PRKG1: variants seen among roughly 807,000 people sequenced by gnomAD.
PRKG1 encodes cGMP-dependent protein kinase 1.
Under a neutral mutation model 88.1 loss-of-function variants are expected in PRKG1, and 35 were observed. The observed-to-expected ratio is 0.40, with a 90% CI of 0.30 to 0.53. The LOEUF (loss-of-function observed/expected upper bound fraction) is 0.53, where lower values mean the gene tolerates loss of function less well. Among genes scored for constraint, PRKG1 ranks in the 20% least tolerant of loss-of-function variants. PRKG1 has a pLI of 0.59. For synonymous variants in PRKG1, 303 were observed against 292.5 expected, an observed-to-expected ratio of 1.04 and a Z score of -0.37; for missense variants, 540 against 839.8, an observed-to-expected ratio of 0.64 and a Z score of 4.41.
intron 6 of PRKG1, among the ~76,000 whole-genome samples, chr10:52,058,303 C>T (rs1033932033): frequency 1.3e-5 from 2 of 152,042 alleles, no homozygotes; most frequent in South Asian, 2.1e-4. Flanking sequence ...GGATATTTTA[C>T]TATAAATGAA....
chr10:52,007,487 C>T (rs1322720564), intron 5 of PRKG1, among the ~76,000 whole-genome samples: 2 of 152,060 alleles, frequency 1.3e-5, no homozygotes, highest in Non-Finnish European at 2.9e-5. Context: ...TGTAATTTCA[C>T]ACAAAATAGA....
At chr10:51,108,035 C>G (rs764076015) in intron 1 of PRKG1, among the ~76,000 whole-genome samples, 1 of 152,022 alleles carries the variant, frequency 6.6e-6, no homozygotes, top group Non-Finnish European at 1.5e-5. Flanking sequence ...AAGGCACATA[C>G]TACCAAAGCT....
intron 2 of PRKG1, among the ~76,000 whole-genome samples, chr10:51,384,742 C>T (rs1276675817): frequency 6.6e-6 from 1 of 152,086 alleles, no homozygotes; most frequent in Non-Finnish European, 1.5e-5. Flanking sequence ...ATTGCTGTTC[C>T]CACTTCCCTA....
At chr10:51,698,007 C>T (rs1308841558) in intron 3 of PRKG1, 1 of 1,613,478 alleles carries the variant, frequency 6.2e-7, no homozygotes, top group East Asian at 2.2e-5. Context: ...ATGCCTGTTC[C>T]TTGTATGCCT....
intron 2 of PRKG1, among the ~76,000 whole-genome samples, chr10:51,277,592 G>A (rs892598908): frequency 6.6e-6 from 1 of 152,196 alleles, no homozygotes; most frequent in Admixed American, 6.5e-5. Flanking sequence ...TCCTATCCAT[G>A]AGCATGGAAT....
At chr10:52,287,536 A>C (rs193124208) in intron 14 of PRKG1, among the ~76,000 whole-genome samples, 1 of 152,028 alleles carries the variant, frequency 6.6e-6, no homozygotes, top group Non-Finnish European at 1.5e-5. Flanking sequence ...AAGACACACA[A>C]AACCTGTATT....
chr10:51,561,802 G>A (rs1158894335), intron 3 of PRKG1, among the ~76,000 whole-genome samples: 1 of 152,092 alleles, frequency 6.6e-6, no homozygotes, highest in Non-Finnish European at 1.5e-5. Flanking sequence ...ATGGAATAGA[G>A]TGTTTAGTCA....
intron 2 of PRKG1, among the ~76,000 whole-genome samples, chr10:51,160,305 C>A (rs914708252): frequency 2.6e-5 from 4 of 152,068 alleles, no homozygotes; most frequent in African/African-American, 9.7e-5. Flanking sequence ...CATTGTATAA[C>A]CCAATTTATT....
At chr10:51,306,600 T>C (rs982057716) in intron 2 of PRKG1, 3 of 152,178 alleles carry the variant, frequency 2.0e-5, no homozygotes, top group South Asian at 2.1e-4. Flanking sequence ...ATGTTTTCAA[T>C]GTCTGGATTA....
intron 4 of PRKG1, among the ~76,000 whole-genome samples, chr10:51,822,337 A>G (rs1011708231): frequency 6.6e-6 from 1 of 152,172 alleles, no homozygotes; most frequent in Non-Finnish European, 1.5e-5. Flanking sequence ...TAAATACTGC[A>G]TAATCCTACT....
intron 4 of PRKG1, among the ~76,000 whole-genome samples, chr10:51,847,881 C>T (rs74690837): frequency 1.0e-4 from 12 of 117,788 alleles, no homozygotes; most frequent in African/African-American, 1.6e-4. Context: ...AAAAAAAGAC[C>T]GAGAATCTGA....
Position 51,750,679 on chromosome 10 carries a change from A to C in PRKG1, c.593-53906A>C, listed in dbSNP as rs867192265. 1.1e-4 allele frequency among the ~76,000 whole-genome samples: 16 copies of C among 152,320 alleles called. No individual in the cohort carries two copies. The Middle Eastern group carries it at 0.01, about 97-fold the overall frequency. ...ACCAGGAAGAAAGCTAACACAGACT[A>C]TGAGGCTTTGCACTGAATGGCACTT... is the stretch of plus-strand genomic sequence containing the variant. On this transcript the variant is annotated intron_variant, in intron 3 of 17. Transcript: ENST00000373980.
chr10:51,337,373 G>A (rs146733984), intron 2 of PRKG1, among the ~76,000 whole-genome samples: 83 of 152,142 alleles, frequency 5.5e-4, no homozygotes, highest in Non-Finnish European at 1.1e-3. Context: ...TGATGAAATT[G>A]CCAAAAGCAA....
At chr10:52,015,654 T>C (rs1280818529) in intron 5 of PRKG1, among the ~76,000 whole-genome samples, 2 of 152,260 alleles carry the variant, frequency 1.3e-5, no homozygotes, top group East Asian at 3.8e-4. Context: ...GATGCAAATT[T>C]TTCAAACCTT....
intron 2 of PRKG1, among the ~76,000 whole-genome samples, chr10:51,391,264 G>GT (rs1279616013): frequency 6.6e-6 from 1 of 152,178 alleles, no homozygotes; most frequent in Admixed American, 6.5e-5. Context: ...GAGTGAGTGA[G>GT]TTTTAAAAAT....
intron 3 of PRKG1, chr10:51,699,565 G>A (rs561264758): frequency 2.5e-6 from 4 of 1,598,968 alleles, no homozygotes; most frequent in Non-Finnish European, 3.4e-6. Flanking sequence ...CGGTTGTGCA[G>A]ACAGCCGATA....
intron 1 of PRKG1, among the ~76,000 whole-genome samples, chr10:51,127,993 C>T (rs1845473689): frequency 6.6e-6 from 1 of 151,946 alleles, no homozygotes; most frequent in South Asian, 2.1e-4. Flanking sequence ...AGCATTAGGA[C>T]AAATGTTTAA....
chr10:52,128,809 A>T (rs891572938), intron 7 of PRKG1, among the ~76,000 whole-genome samples: 3 of 152,182 alleles, frequency 2.0e-5, no homozygotes, highest in African/African-American at 7.2e-5. Flanking sequence ...ACTAATACAG[A>T]GGCACAGAAC....
chr10:52,289,665 A>G (rs957204179), intron 16 of PRKG1, among the ~76,000 whole-genome samples: 1 of 148,000 alleles, frequency 6.8e-6, no homozygotes, highest in African/African-American at 2.5e-5. Flanking sequence ...AAACAAGCAA[A>G]AACTTTAGTC....
Sources: gnomAD v4.1 joint callset for allele counts (sites outside exome capture counted in the v4.1 genomes callset) on GRCh38, gnomAD v4.1.1 for gene constraint, MANE v1.5 for transcripts, NCBI Gene and HGNC (gene_info 2026-07-23, HGNC 2026-07-21) for gene names.